The following SLC24A2 variants were observed in gnomAD, a reference collection of about 807,000 sequenced individuals.
The protein encoded by SLC24A2 is sodium/potassium/calcium exchanger 2.
Under a neutral mutation model 62.0 loss-of-function variants are expected in SLC24A2, and 36 were observed. The observed-to-expected ratio is 0.58, with a 90% confidence interval of 0.44 to 0.77. The LOEUF is 0.77. Ranked by LOEUF, SLC24A2 falls within the 30% of genes least tolerant of loss-of-function variation. The pLI is 0.00. For missense variants in SLC24A2, 846 were observed against 817.9 expected, an observed-to-expected ratio of 1.03 and a Z score of -0.42; for synonymous variants, 358 against 294.0, an observed-to-expected ratio of 1.22 and a Z score of -2.23.
the SLC24A2 span, among the ~76,000 whole-genome samples, chr9:19,853,775 T>C: frequency 6.6e-6 from 1 of 152,282 alleles, no homozygotes. Flanking sequence ...GTGTTCTTTG[T>C]TGTACCTCTG....
At chr9:19,899,170 TCTGA>T in the SLC24A2 span, among the ~76,000 whole-genome samples, 1 of 152,212 alleles carries the variant, frequency 6.6e-6, no homozygotes, top group East Asian at 1.9e-4. Context: ...CATGGATGTG[TCTGA>T]CTGGTAAAGC....
At chr9:19,988,100 T>G in the SLC24A2 span, among the ~76,000 whole-genome samples, 186 of 152,334 alleles carry the variant, frequency 1.2e-3, no homozygotes, top group African/African-American at 4.4e-3. Context: ...GAGGGATGGA[T>G]GAACTGCAGG....
At chr9:19,685,619 C>A (rs901062376) in intron 2 of SLC24A2, among the ~76,000 whole-genome samples, 2 of 151,882 alleles carry the variant, frequency 1.3e-5, no homozygotes. Context: ...AATAAAGCCA[C>A]CCCCAAACCA....
the SLC24A2 span, among the ~76,000 whole-genome samples, chr9:20,225,770 T>A: frequency 6.6e-6 from 1 of 150,994 alleles, no homozygotes; most frequent in Non-Finnish European, 1.5e-5. Context: ...GGGAGAACTG[T>A]TAGATGTTAA....
chr9:19,528,057 C>T lies in SLC24A2; in HGVS notation c.1561G>A (p.Ala521Thr). The change falls in exon 9 of 11, where the codon GCG becomes ACG. Residue 521 changes from alanine (A) to threonine (T), a missense_variant. Ala to Thr is a moderately conservative substitution (Grantham distance 58). Transcript: ENST00000341998. ...CACTATCAAAATCTTACCTGGTGCGCCCACCAGACCATCAAGTAAGAGAAT... is the reference window on the plus strand; with the variant it reads ...CACTATCAAAATCTTACCTGGTGCGTCCACCAGACCATCAAGTAAGAGAAT... ...AVFSYLMVWW[A>T]HQVGETIGIS... The T allele has an allele frequency of 2.5e-6, 4 of 1,585,694 alleles. No individual in the cohort carries two copies. Among genetic ancestry groups the T allele is most frequent in the Non-Finnish European group, 3.4e-6 (4 of 1,162,946 alleles).
At chr9:20,101,000 T>G in the SLC24A2 span, among the ~76,000 whole-genome samples, 1 of 152,208 alleles carries the variant, frequency 6.6e-6, no homozygotes, top group Non-Finnish European at 1.5e-5. Flanking sequence ...TAACCTTCCT[T>G]GAAACTATGG....
At chr9:20,162,569 C>T in the SLC24A2 span, among the ~76,000 whole-genome samples, 1 of 151,996 alleles carries the variant, frequency 6.6e-6, no homozygotes, top group African/African-American at 2.4e-5. Context: ...GAACTGGTAC[C>T]ATTCCTTCTG....
the SLC24A2 span, among the ~76,000 whole-genome samples, chr9:19,818,972 A>C: frequency 6.6e-6 from 1 of 152,192 alleles, no homozygotes; most frequent in Non-Finnish European, 1.5e-5. Flanking sequence ...AGTCACCAAA[A>C]CAGCATGGTG....
chr9:20,307,204 T>C, the SLC24A2 span, among the ~76,000 whole-genome samples: 1 of 152,192 alleles, frequency 6.6e-6, no homozygotes, highest in Admixed American at 6.5e-5. Context: ...AAACAATTAT[T>C]ATTAAATTCT....
chr9:19,918,830 T>C, the SLC24A2 span, among the ~76,000 whole-genome samples: 1 of 152,096 alleles, frequency 6.6e-6, no homozygotes, highest in African/African-American at 2.4e-5. Flanking sequence ...GCCCTTACCA[T>C]GTCTAACAGG....
chr9:19,771,985 G>C (rs1485938772), intron 2 of SLC24A2, among the ~76,000 whole-genome samples: 1 of 152,200 alleles, frequency 6.6e-6, no homozygotes, highest in Non-Finnish European at 1.5e-5. Flanking sequence ...GCCCAGTACA[G>C]ACAGCAAAAC....
the SLC24A2 span, among the ~76,000 whole-genome samples, chr9:20,105,686 C>G: frequency 6.6e-6 from 1 of 151,746 alleles, no homozygotes; most frequent in African/African-American, 2.4e-5. Context: ...ATCTCCGGGA[C>G]GCATTCAAAG....
chr9:19,841,827 T>C, the SLC24A2 span, among the ~76,000 whole-genome samples: 1 of 152,174 alleles, frequency 6.6e-6, no homozygotes, highest in Non-Finnish European at 1.5e-5. Context: ...CAGGGGGGCA[T>C]AATTATTCAT....
chr9:19,983,095 G>A, the SLC24A2 span, among the ~76,000 whole-genome samples: 33 of 152,170 alleles, frequency 2.2e-4, no homozygotes, highest in Non-Finnish European at 3.1e-4. Flanking sequence ...CCTAAGATTA[G>A]GAACAAGACA....
the SLC24A2 span, among the ~76,000 whole-genome samples, chr9:20,028,427 T>C: frequency 6.6e-5 from 10 of 152,220 alleles, no homozygotes; most frequent in African/African-American, 2.4e-4. Flanking sequence ...TTGTTCAGGC[T>C]ATTTATTTTT....
the SLC24A2 span, among the ~76,000 whole-genome samples, chr9:20,092,786 C>G: frequency 0.013 from 1,956 of 152,244 alleles, 23 homozygotes; most frequent in Middle Eastern, 0.027. Flanking sequence ...TTCTAGTAAA[C>G]AATGCAGTGT....
At chr9:20,131,217 G>C in the SLC24A2 span, among the ~76,000 whole-genome samples, 2 of 152,016 alleles carry the variant, frequency 1.3e-5, no homozygotes, top group Non-Finnish European at 2.9e-5. Context: ...ATCTCCAAAG[G>C]CCACAATATC....
the SLC24A2 span, among the ~76,000 whole-genome samples, chr9:20,024,442 G>C: frequency 1.3e-5 from 2 of 152,160 alleles, no homozygotes; most frequent in African/African-American, 4.8e-5. Context: ...GGCCTTCCTG[G>C]CTTTGGCCTT....
At chr9:19,940,149 G>C in the SLC24A2 span, among the ~76,000 whole-genome samples, 8 of 152,200 alleles carry the variant, frequency 5.3e-5, no homozygotes, top group Admixed American at 2.0e-4. Flanking sequence ...GGCACCGCTT[G>C]CATTGTTTTC....
Sources: allele counts gnomAD v4.1 joint callset (sites outside exome capture counted in the v4.1 genomes callset), GRCh38; gene constraint gnomAD v4.1.1; transcripts MANE v1.5; gene names NCBI Gene and HGNC (gene_info 2026-07-23, HGNC 2026-07-21).